The following UACA variants were observed in gnomAD, a reference collection of about 807,000 sequenced individuals.
UACA encodes uveal autoantigen with coiled-coil domains and ankyrin repeats.
Under a neutral mutation model 160.5 loss-of-function variants are expected in UACA, and 112 were observed. The observed-to-expected ratio is 0.70, with a 90% CI of 0.60 to 0.82. The LOEUF (loss-of-function observed/expected upper bound fraction) is 0.82. Ranked by LOEUF, UACA falls within the 40% of genes least tolerant of loss-of-function variation. The pLI, the probability that UACA is intolerant of heterozygous loss-of-function variation, is 0.00. For missense variants in UACA, 1,574 were observed against 1,614.6 expected, an observed-to-expected ratio of 0.97 and a Z score of 0.43; for synonymous variants, 557 against 568.4, an observed-to-expected ratio of 0.98 and a Z score of 0.29.
intron 1 of UACA, among the ~76,000 whole-genome samples, chr15:70,706,137 T>C (rs1302626202): frequency 6.6e-6 from 1 of 152,142 alleles, no homozygotes; most frequent in African/African-American, 2.4e-5. Flanking sequence ...ATGAAATTCA[T>C]TGTAATATAC....
intron 7 of UACA, among the ~76,000 whole-genome samples, chr15:70,686,884 A>G (rs986890741): frequency 1.3e-5 from 2 of 152,196 alleles, no homozygotes; most frequent in Non-Finnish European, 2.9e-5. Context: ...TCAGAATTGT[A>G]ATACAACAAG....
intron 1 of UACA, among the ~76,000 whole-genome samples, chr15:70,718,971 A>T (rs914225905): frequency 3.3e-5 from 5 of 152,228 alleles, no homozygotes; most frequent in African/African-American, 9.6e-5. Context: ...TAGATTTAAT[A>T]AAGTACCATT....
chr15:70,690,439 G>C lies in UACA; in HGVS notation c.424+15C>G. ...TTTTAACAAATATTTGTATCCAAGGGAAACCACTGCTCACCGGCATCGTGA... is the reference window on the plus strand; with the variant it reads ...TTTTAACAAATATTTGTATCCAAGGCAAACCACTGCTCACCGGCATCGTGA... On this transcript the variant is annotated intron_variant, in intron 5 of 18. Coordinates refer to ENST00000322954, the MANE Select transcript of UACA (RefSeq NM_018003.4). The C allele has an allele frequency of 3.1e-6, 5 of 1,611,246 alleles. No homozygotes were observed. Among genetic ancestry groups the C allele is most frequent in the Non-Finnish European group, 4.2e-6 (5 of 1,178,546 alleles).
At chr15:70,725,337 G>A (rs1177122946) in intron 1 of UACA, among the ~76,000 whole-genome samples, 1 of 152,068 alleles carries the variant, frequency 6.6e-6, no homozygotes. Flanking sequence ...GGTACTATAT[G>A]TGCCCTCCCT....
the UACA span, among the ~76,000 whole-genome samples, chr15:70,768,573 G>T: frequency 6.6e-6 from 1 of 152,110 alleles, no homozygotes; most frequent in African/African-American, 2.4e-5. Context: ...AGTGCTTATG[G>T]TTGAAAGGCA....
At chr15:70,716,224 T>C (rs1898817364) in intron 1 of UACA, among the ~76,000 whole-genome samples, 1 of 152,194 alleles carries the variant, frequency 6.6e-6, no homozygotes, top group Non-Finnish European at 1.5e-5. Flanking sequence ...GCTAGCCCCC[T>C]TGAGGGTAGG....
intron 4 of UACA, 72 bp downstream of exon 4, chr15:70,691,227 A>G: frequency 8.9e-7 from 1 of 1,125,652 alleles, no homozygotes; most frequent in African/African-American, 1.6e-5. Context: ...TAAAATTCCA[A>G]AAACACATTA....
In UACA at chr15:70,656,055, T is replaced by G. The variant is rs902606299; in HGVS notation, c.*1001A>C. ...TATTTTATTGCTATCTATATACTCT[T>G]TCAGTTTACTGTATTACTGTACTTT... On this transcript the variant is annotated 3_prime_UTR_variant, in exon 19 of 19. Transcript: ENST00000322954. 1 of 152,180 alleles carries G rather than the reference T, an allele frequency of 6.6e-6. No homozygotes were observed. The highest frequency in any genetic ancestry group is 1.5e-5 in the Non-Finnish European group (1 of 68,002). The allele number at this position is 152,180 out of a possible 1,614,324, so 9.4% of individuals were successfully genotyped here. A position where few individuals can be genotyped will look rare whatever the true frequency, so the allele number is the denominator to read the frequency against.
Position 70,668,797 on chromosome 15 carries a change from AGC to A in UACA, c.1885_1886del (p.Ala629Ter). The A allele has an allele frequency of 6.2e-7, 1 of 1,613,898 alleles. No homozygotes were observed. The highest frequency in any genetic ancestry group is 2.2e-5 in the East Asian group (1 of 44,870). On this transcript the variant is annotated frameshift_variant, in exon 16 of 19. Transcript: ENST00000322954. LOFTEE classifies it high-confidence loss of function. ...LSAKLALSIP[A>X]EKFENMKSSL... ...AGCTCTTCATGTTTTCAAATTTTTC[AGC>A]TGGAATGGAAAGGGCCAACTTCGCT...
At chr15:70,661,578 A>G (rs1317649471) in intron 17 of UACA, 1 of 152,226 alleles carries the variant, frequency 6.6e-6, no homozygotes, top group Non-Finnish European at 1.5e-5. Flanking sequence ...ATTAAAAAAT[A>G]ACTCAAACAA....
At chr15:70,685,029 T>C (rs1897660651) in intron 7 of UACA, among the ~76,000 whole-genome samples, 1 of 152,120 alleles carries the variant, frequency 6.6e-6, no homozygotes, top group South Asian at 2.1e-4. Context: ...AACCACATCA[T>C]GCAAACCTCC....
In UACA at chr15:70,667,825, G is replaced by A; in HGVS notation, c.2859C>T (p.Tyr953=). 1 of 1,613,876 alleles carries A rather than the reference G, an allele frequency of 6.2e-7. No homozygotes were observed. The highest frequency in any genetic ancestry group is 8.5e-7 in the Non-Finnish European group (1 of 1,179,958). The change falls in exon 16 of 19, where the codon TAC becomes TAT. Residue 953 remains tyrosine (Y), a synonymous_variant. Transcript: ENST00000322954. ...QDSNAEILAN[Y]RKGQEEIVTL... ...TCACAATCTCTTCTTGGCCTTTTCT[G>A]TAGTTGGCCAAGATTTCAGCATTAC...
chr15:70,698,226 AAGCCACC>A, intron 2 of UACA, among the ~76,000 whole-genome samples: 1 of 152,260 alleles, frequency 6.6e-6, no homozygotes, highest in East Asian at 1.9e-4. Flanking sequence ...ACAAAAACTC[AAGCCACC>A]AGTCACTCAA....
intron 1 of UACA, among the ~76,000 whole-genome samples, chr15:70,729,770 T>G (rs1221594484): frequency 7.1e-6 from 1 of 141,252 alleles, no homozygotes; most frequent in Non-Finnish European, 1.5e-5. Flanking sequence ...GAGCAGTGGT[T>G]CTCCCAGCAC....
chr15:70,722,407 A>G (rs8037194), intron 1 of UACA, among the ~76,000 whole-genome samples: 31,245 of 151,546 alleles, frequency 0.21, 5,373 homozygotes, highest in African/African-American at 0.48. Context: ...GGCCTCGATC[A>G]CCTAGGCTCA....
rs1003614850 is a variant in UACA at position 70,763,510 on chromosome 15, C to A, written c.-103G>T. On this transcript the variant is annotated 5_prime_UTR_variant, in exon 1 of 19. Coordinates refer to ENST00000322954, the MANE Select transcript of UACA (RefSeq NM_018003.4). Reference sequence around the variant, plus strand: ...TGCAGCAGAGGCGGCGCGGGCTGTACCAGCCCCACCTGCCTGCCACCTGCG... The same window carrying A: ...TGCAGCAGAGGCGGCGCGGGCTGTAACAGCCCCACCTGCCTGCCACCTGCG... The A allele has an allele frequency of 2.6e-5, 33 of 1,250,072 alleles. No homozygotes were observed. The highest frequency in any genetic ancestry group is 3.1e-5 in the Non-Finnish European group (31 of 991,672). The allele number at this position is 1,250,072 out of a possible 1,614,324, so 77.4% of individuals were successfully genotyped here.
intron 2 of UACA, among the ~76,000 whole-genome samples, chr15:70,696,491 C>T (rs1898133290): frequency 6.6e-6 from 1 of 152,156 alleles, no homozygotes; most frequent in African/African-American, 2.4e-5. Flanking sequence ...TATTACAAGA[C>T]TCAGTCTTGC....
chr15:70,676,772 C>T (rs540181023), intron 12 of UACA, among the ~76,000 whole-genome samples, 181 bp from the exon 13 acceptor site: 2 of 152,260 alleles, frequency 1.3e-5, no homozygotes, highest in South Asian at 4.1e-4. Context: ...ATGAAACATA[C>T]AATATCTATA....
rs1356092772 is a variant in UACA at position 70,672,060 on chromosome 15, G to C, written c.1132-59C>G. 24 of 1,495,716 alleles carry C rather than the reference G, an allele frequency of 1.6e-5. No homozygotes were observed. The Admixed American group carries it at 4.5e-4, about 28-fold the overall frequency. 92.7% of individuals were successfully genotyped at this position (1,495,716 alleles called of 1,614,324 possible). A position where few individuals can be genotyped will look rare whatever the true frequency, so the allele number is the denominator to read the frequency against. ...ATGCTGCCTCATTTTGTTAAATTCT[G>C]TATCTATTTTAGCTCTAAATCATGC... is the stretch of plus-strand genomic sequence containing the variant. On this transcript the variant is annotated intron_variant, in intron 13 of 18. Coordinates refer to ENST00000322954, the MANE Select transcript of UACA (RefSeq NM_018003.4).
Sources: gnomAD v4.1 joint callset for allele counts (sites outside exome capture counted in the v4.1 genomes callset) on GRCh38, gnomAD v4.1.1 for gene constraint, MANE v1.5 for transcripts, NCBI Gene and HGNC (gene_info 2026-07-23, HGNC 2026-07-21) for gene names.